The following ADD1 variants were observed in gnomAD, a reference collection of about 807,000 sequenced individuals.
ADD1 encodes alpha-adducin.
A neutral mutation model predicts 80.5 loss-of-function variants in ADD1; 24 were observed. The ratio of observed to expected loss-of-function variants is 0.30; its 90% CI spans 0.22 to 0.42. ADD1 has a LOEUF of 0.42. ADD1 is among the 10% of genes least tolerant of loss of function. ADD1 has a pLI of 1.00. For missense variants in ADD1, 948 were observed against 1,019.0 expected (o/e 0.93, Z 0.95); for synonymous variants, 373 against 393.8 (o/e 0.95, Z 0.63).
At chr4:2,905,186 TC>T in intron 10 of ADD1, 78 bp downstream of exon 10, 1 of 1,399,268 alleles carries the variant, frequency 7.1e-7, no homozygotes, top group Non-Finnish European at 1.0e-6. Context: ...GCTTTGGGAA[TC>T]CAGCCTTTCT....
intron 4 of ADD1, among the ~76,000 whole-genome samples, chr4:2,885,827 G>C (rs1010542616): frequency 6.6e-6 from 1 of 151,986 alleles, no homozygotes; most frequent in Non-Finnish European, 1.5e-5. Context: ...AGCCAGGATG[G>C]TCTCGATCTC....
intron 14 of ADD1, among the ~76,000 whole-genome samples, chr4:2,923,749 A>G (rs1024906655): frequency 3.9e-5 from 6 of 152,264 alleles, no homozygotes; most frequent in Non-Finnish European, 7.3e-5. Flanking sequence ...TTGTGCGTAC[A>G]TCTCATCTCA....
Position 2,875,819 on chromosome 4 carries a change from C to T in ADD1, c.-20-77C>T, listed in dbSNP as rs1731188301. 8 of 1,194,438 alleles carry T rather than the reference C, an allele frequency of 6.7e-6. 2 individuals carry two copies. In the South Asian group the frequency reaches 1.4e-4, roughly 21 times the overall value. The allele number at this position is 1,194,438 out of a possible 1,614,324, so 74.0% of individuals were successfully genotyped here. A position where few individuals can be genotyped will look rare whatever the true frequency, so the allele number is the denominator to read the frequency against. The stretch of plus-strand genomic sequence containing the variant: ...TCCTCCTGTTGAAGATTGTGTTTAC[C>T]AAGCTCATGTGCTCATCATGAAACA... On this transcript the variant is annotated intron_variant, in intron 1 of 15. Coordinates refer to ENST00000683351, the MANE Select transcript of ADD1 (RefSeq NM_001354761.2).
Position 2,927,568 on chromosome 4 carries a change from T to C in ADD1, c.2048-603T>C, listed in dbSNP as rs547605669. On this transcript the variant is annotated intron_variant, in intron 15 of 15. Coordinates refer to ENST00000683351, the MANE Select transcript of ADD1 (RefSeq NM_001354761.2). ...GGCTGTGTCCTCAGGGCCGCTGTGC[T>C]CCTTCACAGATGGCCACTCCTGATG... 2.0e-5 allele frequency among the ~76,000 whole-genome samples: 3 copies of C among 152,370 alleles called. No individual in the cohort carries two copies. In the South Asian group the frequency reaches 6.2e-4, roughly 32 times the overall value.
At chr4:2,860,944 A>C (rs1728744770) in intron 1 of ADD1, among the ~76,000 whole-genome samples, 1 of 152,214 alleles carries the variant, frequency 6.6e-6, no homozygotes, top group Non-Finnish European at 1.5e-5. Context: ...GAAGGGTAAG[A>C]AAACACAAAA....
intron 1 of ADD1, among the ~76,000 whole-genome samples, chr4:2,852,329 C>CTTT (rs869236781): frequency 4.5e-5 from 2 of 44,666 alleles, no homozygotes; most frequent in African/African-American, 1.6e-4. Context: ...TCTTTTCTTT[C>CTTT]TTTTTTTTTT....
intron 10 of ADD1, among the ~76,000 whole-genome samples, chr4:2,906,727 T>C (rs903427465): frequency 6.6e-6 from 1 of 152,252 alleles, no homozygotes; most frequent in African/African-American, 2.4e-5. Context: ...GACTAAAAAT[T>C]ATTTTTAATA....
At chr4:2,879,935 G>A (rs770731325) in intron 2 of ADD1, among the ~76,000 whole-genome samples, 30 of 152,064 alleles carry the variant, frequency 2.0e-4, no homozygotes, top group Non-Finnish European at 2.8e-4. Flanking sequence ...GGCTGGTCTC[G>A]AACTCCTGAC....
Position 2,928,204 on chromosome 4 carries a change from G to A in ADD1, c.2081G>A (p.Ser694Asn). ...LVPEPTTGDD[S>N]DAATFKPTLP... ...CCGGAGCCGACTACTGGAGATGACA[G>A]TGATGCTGCCACCTTTAAGCCAACT... Residue 694 changes from serine to asparagine, a missense_variant, in exon 16 of 16, where the codon AGT becomes AAT. Ser to Asn is a conservative substitution (Grantham distance 46). Transcript: ENST00000683351. 1 of 1,614,116 alleles carries A rather than the reference G, an allele frequency of 6.2e-7. No individual in the cohort carries two copies. Among genetic ancestry groups the A allele is most frequent in the Non-Finnish European group, 8.5e-7 (1 of 1,180,016 alleles).
intron 4 of ADD1, among the ~76,000 whole-genome samples, chr4:2,885,750 C>T (rs1470261603): frequency 6.6e-6 from 1 of 152,124 alleles, no homozygotes; most frequent in African/African-American, 2.4e-5. Flanking sequence ...GCTGGGACTA[C>T]AGGCGCCCGC....
chr4:2,912,119 G>A (rs1200593939), intron 13 of ADD1, among the ~76,000 whole-genome samples: 1 of 152,230 alleles, frequency 6.6e-6, no homozygotes, highest in Non-Finnish European at 1.5e-5. Context: ...TGGAGCTCTT[G>A]TTCCACCCAG....
chr4:2,919,723 C>T (rs947419890), intron 14 of ADD1, among the ~76,000 whole-genome samples: 5 of 151,672 alleles, frequency 3.3e-5, no homozygotes, highest in African/African-American at 7.3e-5. Context: ...TGATTCTTCT[C>T]TCTTTTCTTT....
chr4:2,929,200 T>C lies in ADD1; in HGVS notation c.*677T>C, dbSNP rs1712570324. On this transcript the variant is annotated 3_prime_UTR_variant, in exon 16 of 16. Coordinates refer to ENST00000683351, the MANE Select transcript of ADD1 (RefSeq NM_001354761.2). ...TTTCTTTTTCACTTGGGTCTCTGGA[T>C]TCCTGTCATAGGGAAGGTATATCAG... 1.3e-5 allele frequency: 2 copies of C among 152,242 alleles called. No homozygotes were observed. Among genetic ancestry groups the C allele is most frequent in the African/African-American group, 4.8e-5 (2 of 41,456 alleles). The allele number at this position is 152,242 out of a possible 1,614,324, so 9.4% of individuals were successfully genotyped here. A position where few individuals can be genotyped will look rare whatever the true frequency, so the allele number is the denominator to read the frequency against.
chr4:2,915,101 T>G (rs1266636397), intron 14 of ADD1, 61 bp downstream of exon 14: 13 of 1,523,106 alleles, frequency 8.5e-6, no homozygotes, highest in Non-Finnish European at 1.1e-5. Context: ...TGGGAGCTTC[T>G]TTGTGGTCCA....
intron 4 of ADD1, among the ~76,000 whole-genome samples, chr4:2,892,146 C>T (rs1031364060): frequency 5.9e-5 from 9 of 152,216 alleles, no homozygotes; most frequent in Non-Finnish European, 8.8e-5. Context: ...CAAGCAGACC[C>T]TGGGTATGCT....
At chr4:2,894,122 G>C in intron 5 of ADD1, 29 bp downstream of exon 5, 1 of 1,555,810 alleles carries the variant, frequency 6.4e-7, no homozygotes, top group Non-Finnish European at 8.9e-7. Flanking sequence ...TTGGCAGCTT[G>C]TATGTGCAGG....
At chr4:2,871,083 C>G (rs1730364105) in intron 1 of ADD1, among the ~76,000 whole-genome samples, 1 of 151,526 alleles carries the variant, frequency 6.6e-6, no homozygotes, top group Non-Finnish European at 1.5e-5. Context: ...ATTCTCCTGT[C>G]TCAGCCTCCC....
At chr4:2,856,250 T>C (rs183430183) in intron 1 of ADD1, among the ~76,000 whole-genome samples, 2 of 152,306 alleles carry the variant, frequency 1.3e-5, no homozygotes, top group Admixed American at 1.3e-4. Context: ...TTGACAGTTA[T>C]TTCTTTTCAG....
chr4:2,889,928 G>A lies in ADD1; in HGVS notation c.511-4085G>A, dbSNP rs191493659. Among the ~76,000 whole-genome samples the A allele has an allele frequency of 2.8e-3, 433 of 152,348 alleles. 3 individuals are homozygous for A. Among genetic ancestry groups the A allele is most frequent in the African/African-American group, 0.01 (418 of 41,592 alleles). ...AAATTAATATCTGGAGCTGGGTGCA[G>A]TGGCTCACGCCTGTAATCTCTGCAC... On this transcript the variant is annotated intron_variant, in intron 4 of 15. Transcript: ENST00000683351.
Sources: allele counts gnomAD v4.1 joint callset (sites outside exome capture counted in the v4.1 genomes callset), GRCh38; gene constraint gnomAD v4.1.1; transcripts MANE v1.5; gene names NCBI Gene and HGNC (gene_info 2026-07-23, HGNC 2026-07-21).